The following DRAXIN variants were observed in gnomAD, a reference collection of about 807,000 sequenced individuals.
DRAXIN encodes the protein dorsal repulsive axon guidance protein.
DRAXIN carries 27 observed loss-of-function variants against 33.9 expected under a neutral mutation model. The ratio of observed to expected loss-of-function variants is 0.80; its 90% CI spans 0.59 to 1.10. The LOEUF (loss-of-function observed/expected upper bound fraction) is 1.10. Ranked by LOEUF, DRAXIN falls within the 50% of genes least tolerant of loss-of-function variation. DRAXIN has a pLI of 0.00. For synonymous variants in DRAXIN, 178 were observed against 194.0 expected, an observed-to-expected ratio of 0.92 and a Z score of 0.69; for missense variants, 371 against 460.8, an observed-to-expected ratio of 0.81 and a Z score of 1.78.
intron 1 of DRAXIN, among the ~76,000 whole-genome samples, chr1:11,699,502 T>A (rs960116254): frequency 1.8e-4 from 28 of 151,912 alleles, no homozygotes; most frequent in African/African-American, 3.6e-4. Flanking sequence ...GTTAAAAAAA[T>A]TTTTTTTTAG....
chr1:11,691,289 C>T (rs1337805070), upstream of DRAXIN: 1 of 152,258 alleles, frequency 6.6e-6, no homozygotes, highest in African/African-American at 2.4e-5. Flanking sequence ...TGGGGTCCAC[C>T]GAGGACCGCC....
chr1:11,712,476 G>A (rs1286251078), intron 5 of DRAXIN, 47 bp downstream of exon 5: 2 of 1,607,192 alleles, frequency 1.2e-6, no homozygotes, highest in South Asian at 1.1e-5. Context: ...GGTACTGGGA[G>A]GGAACCTGGG....
intron 5 of DRAXIN, 105 bp from the exon 6 acceptor site, chr1:11,715,014 G>A: frequency 7.2e-7 from 1 of 1,380,594 alleles, no homozygotes; most frequent in Non-Finnish European, 1.0e-6. Flanking sequence ...CCAGGGCGCG[G>A]CCTGCCACAG....
chr1:11,700,153 A>G (rs1641250429), intron 1 of DRAXIN, among the ~76,000 whole-genome samples: 1 of 147,788 alleles, frequency 6.8e-6, no homozygotes, highest in Non-Finnish European at 1.5e-5. Flanking sequence ...TTGCTTGAAC[A>G]CGGGAGACGG....
chr1:11,699,715 T>C (rs1641242911), intron 1 of DRAXIN, among the ~76,000 whole-genome samples: 1 of 150,192 alleles, frequency 6.7e-6, no homozygotes, highest in Non-Finnish European at 1.5e-5. Context: ...TCACCTGAGG[T>C]CAGGAGTTCG....
chr1:11,715,537 A>G (rs1190946733), intron 6 of DRAXIN, among the ~76,000 whole-genome samples: 2 of 151,308 alleles, frequency 1.3e-5, no homozygotes, highest in African/African-American at 4.9e-5. Flanking sequence ...ACAGGAGCAC[A>G]TCTCTTTAAA....
upstream of DRAXIN, among the ~76,000 whole-genome samples, chr1:11,686,983 A>G (rs915055559): frequency 6.6e-6 from 1 of 152,198 alleles, no homozygotes; most frequent in Non-Finnish European, 1.5e-5. Context: ...AGGGTTGTTC[A>G]TGCCCAAAGT....
At chr1:11,714,148 C>T (rs1328184550) in intron 5 of DRAXIN, among the ~76,000 whole-genome samples, 1 of 151,902 alleles carries the variant, frequency 6.6e-6, no homozygotes, top group African/African-American at 2.4e-5. Context: ...AAGGCTGCAG[C>T]GAGATATGAT....
chr1:11,707,525 CAG>C (rs1641408303), intron 2 of DRAXIN, among the ~76,000 whole-genome samples: 1 of 152,188 alleles, frequency 6.6e-6, no homozygotes, highest in South Asian at 2.1e-4. Flanking sequence ...AGTGTCGTTG[CAG>C]AGACTTGGTT....
Position 11,719,591 on chromosome 1 carries a change from C to G in DRAXIN, c.945C>G (p.Arg315=), listed in dbSNP as rs1641630167. 1 of 1,612,364 alleles carries G rather than the reference C, an allele frequency of 6.2e-7. No homozygotes were observed. The highest frequency in any genetic ancestry group is 1.1e-5 in the South Asian group (1 of 90,822). Residue 315 remains arginine (R), a synonymous_variant, in exon 7 of 7, where the codon CGC becomes CGG. Coordinates refer to ENST00000294485, the MANE Select transcript of DRAXIN (RefSeq NM_198545.4). ...TTGCCTCCACTCGCCCAGGGCTGCGCTGCTATGCCAAATTCCACCGGAACC... is the reference window on the plus strand; with the variant it reads ...TTGCCTCCACTCGCCCAGGGCTGCGGTGCTATGCCAAATTCCACCGGAACC... ...FDDCMCVEGL[R]CYAKFHRNRR...
chr1:11,706,268 C>T lies in DRAXIN; in HGVS notation c.10C>T (p.Pro4Ser), dbSNP rs750433211. The change falls in exon 2 of 7, where the codon CCT becomes TCT. Residue 4 changes from proline to serine, a missense_variant. Physicochemically the swap from Pro to Ser is moderately conservative, Grantham distance 74. Transcript: ENST00000294485. This position sits in a 1 kb window ranked among gnomAD's most constrained non-coding sequence, Gnocchi z 5.5. MAG[P>S]AIHTAPMLFL... ...TTGCAGGGAGGAGCCAATGGCTGGG[C>T]CTGCCATCCACACCGCTCCCATGCT... 6.3e-7 allele frequency: 1 copy of T among 1,591,180 alleles called. No individual in the cohort carries two copies. Among genetic ancestry groups the T allele is most frequent in the East Asian group, 2.2e-5 (1 of 44,500 alleles).
At chr1:11,719,442 T>C (rs4846028) in intron 6 of DRAXIN, 142 bp from the exon 7 acceptor site, 459,149 of 679,600 alleles carry the variant, frequency 0.68, 161,799 homozygotes, top group Non-Finnish European at 0.73. Flanking sequence ...TTTAAGCTCA[T>C]TGGGGCTGCC....
At position 11,706,855 on chromosome 1, in the gene DRAXIN, G is replaced by C. The variant is rs1196983400; in HGVS notation, c.451+146G>C. On this transcript the variant is annotated intron_variant, in intron 2 of 6. Coordinates refer to ENST00000294485, the MANE Select transcript of DRAXIN (RefSeq NM_198545.4). This position sits in a 1 kb window ranked among gnomAD's most constrained non-coding sequence, Gnocchi z 5.5. The stretch of plus-strand genomic sequence containing the variant: ...TGAAGCCAGAGGGACCTGGTAAGGG[G>C]AGGAGGCTGGGAGAGGCCTGGGGTT... The C allele has an allele frequency of 1.1e-6, 1 of 929,668 alleles. No individual in the cohort carries two copies. The highest frequency in any genetic ancestry group is 2.9e-5 in the Admixed American group (1 of 34,240). The allele number at this position is 929,668 out of a possible 1,614,324, so 57.6% of individuals were successfully genotyped here.
chr1:11,697,996 C>T (rs1346804105), intron 1 of DRAXIN, among the ~76,000 whole-genome samples: 2 of 152,086 alleles, frequency 1.3e-5, no homozygotes, highest in African/African-American at 4.8e-5. Flanking sequence ...GTGAATCCCA[C>T]CCGCCCCATC....
At chr1:11,708,402 G>A (rs1641424223) in intron 2 of DRAXIN, among the ~76,000 whole-genome samples, 1 of 152,224 alleles carries the variant, frequency 6.6e-6, no homozygotes, top group Non-Finnish European at 1.5e-5. Flanking sequence ...CTTGAGATCA[G>A]GAGTTGGAGA....
chr1:11,709,510 C>T, intron 3 of DRAXIN, 45 bp downstream of exon 3: 5 of 1,568,066 alleles, frequency 3.2e-6, no homozygotes, highest in Non-Finnish European at 4.3e-6. Context: ...GGTCCTTGAG[C>T]CCATGTCATG....
rs1380456428 is a variant in DRAXIN, at chr1:11,722,584, G to T, written c.*2888G>T. On this transcript the variant is annotated 3_prime_UTR_variant, in exon 7 of 7. Coordinates refer to ENST00000294485, the MANE Select transcript of DRAXIN (RefSeq NM_198545.4). ...CTTAGGTCTATCTTAAATTTATTTT[G>T]CTCATACAGAAGCCAGTTTCCTCTA... 6.6e-6 allele frequency: 1 copy of T among 152,170 alleles called. No individual in the cohort carries two copies. Among genetic ancestry groups the T allele is most frequent in the Non-Finnish European group, 1.5e-5 (1 of 68,028 alleles). 9.4% of individuals were successfully genotyped at this position (152,170 alleles called of 1,614,324 possible).
chr1:11,689,815 C>G (rs552506453), upstream of DRAXIN, among the ~76,000 whole-genome samples: 1 of 152,168 alleles, frequency 6.6e-6, no homozygotes, highest in South Asian at 2.1e-4. Context: ...AGAACCCTCT[C>G]CTGAGGTCTG....
At position 11,723,843 on chromosome 1, in the gene DRAXIN, T is replaced by G. The variant is rs1429263203; in HGVS notation, c.*4147T>G. On this transcript the variant is annotated 3_prime_UTR_variant, in exon 7 of 7. Coordinates refer to ENST00000294485, the MANE Select transcript of DRAXIN (RefSeq NM_198545.4). ...CCTGACCTCAGGTGATCCCCCCGTC[T>G]CAGCCTCCCAAAGTGCTGGGATTAC... 1 of 152,248 alleles carries G rather than the reference T, an allele frequency of 6.6e-6. No individual in the cohort carries two copies. Among genetic ancestry groups the G allele is most frequent in the East Asian group, 1.9e-4 (1 of 5,192 alleles). 9.4% of individuals were successfully genotyped at this position (152,248 alleles called of 1,614,324 possible).
Sources: gnomAD v4.1 joint callset for allele counts (sites outside exome capture counted in the v4.1 genomes callset) on GRCh38, gnomAD v4.1.1 for gene constraint, Gnocchi (gnomAD v3.1) non-coding constraint, MANE v1.5 for transcripts, NCBI Gene and HGNC (gene_info 2026-07-23, HGNC 2026-07-21) for gene names.